The following NFKB1 variants were observed in gnomAD, a reference collection of about 807,000 sequenced individuals.
NFKB1 encodes nuclear factor kappa B subunit 1, also known as nuclear factor NF-kappa-B p105 subunit.
A neutral mutation model predicts 105.1 loss-of-function variants in NFKB1; 9 were observed. The observed-to-expected ratio is 0.09, with a 90% CI of 0.05 to 0.15. The LOEUF (loss-of-function observed/expected upper bound fraction) is 0.15, where lower values mean the gene tolerates loss of function less well. NFKB1 is among the 10% of genes least tolerant of loss of function. The probability of loss-of-function intolerance (pLI) is 1.00; values close to 1 mark genes in which losing one functional copy is unlikely to be tolerated. For missense variants in NFKB1, 830 were observed against 1,203.7 expected (o/e 0.69, Z 4.59); for synonymous variants, 440 against 442.2 (o/e 1.00, Z 0.06).
chr4:102,573,553 C>A (rs1308361609), intron 6 of NFKB1, among the ~76,000 whole-genome samples: 1 of 151,886 alleles, frequency 6.6e-6, no homozygotes, highest in African/African-American at 2.4e-5. Flanking sequence ...TGGGGTTCAT[C>A]GAGATCCTTA....
At chr4:102,572,967 TTTTTA>T (rs1212135266) in intron 6 of NFKB1, among the ~76,000 whole-genome samples, 1 of 152,250 alleles carries the variant, frequency 6.6e-6, no homozygotes, top group Non-Finnish European at 1.5e-5. Flanking sequence ...TTTTCATAGC[TTTTTA>T]TTTTATCTTT....
rs1189868051 is a variant in NFKB1, at chr4:102,557,126, GAGTGAAGGAACTTGCACGC to G, written c.259-9855_259-9837del. ...CCTCAGTGACAGTAAGGAGAAGAGA[GAGTGAAGGAACTTGCACGC>G]AGTGACTTCTACCTTCTCATTAAAG... On this transcript the variant is annotated intron_variant, in intron 5 of 23. Coordinates refer to ENST00000226574, the MANE Select transcript of NFKB1 (RefSeq NM_003998.4). The G allele has an allele frequency of 2.0e-5, 3 of 152,174 alleles. No individual in the cohort carries two copies. In the East Asian group the frequency reaches 5.8e-4, roughly 29 times the overall value. 9.4% of individuals were successfully genotyped at this position (152,174 alleles called of 1,614,324 possible). A position where few individuals can be genotyped will look rare whatever the true frequency, so the allele number is the denominator to read the frequency against.
chr4:102,556,731 T>A (rs1289686942), intron 5 of NFKB1, among the ~76,000 whole-genome samples: 1 of 152,170 alleles, frequency 6.6e-6, no homozygotes, highest in Non-Finnish European at 1.5e-5. Context: ...TAGGGAGAAA[T>A]AGAATGGCAT....
chr4:102,525,425 T>A, intron 1 of NFKB1, 87 bp from the exon 2 acceptor site: 1 of 1,305,360 alleles, frequency 7.7e-7, no homozygotes, highest in Non-Finnish European at 1.1e-6. Flanking sequence ...TATAATACAG[T>A]TTATTCCTGC....
At chr4:102,569,838 T>G (rs1322614363) in intron 6 of NFKB1, among the ~76,000 whole-genome samples, 1 of 152,192 alleles carries the variant, frequency 6.6e-6, no homozygotes, top group East Asian at 1.9e-4. Context: ...CTGGTTTGAT[T>G]GCTGTAATGT....
intron 14 of NFKB1, among the ~76,000 whole-genome samples, chr4:102,596,923 T>C (rs1726663359): frequency 6.6e-6 from 1 of 150,798 alleles, no homozygotes; most frequent in African/African-American, 2.4e-5. Flanking sequence ...TCACATATGC[T>C]TTTTTTTTAC....
chr4:102,533,571 G>T (rs1360546281), intron 3 of NFKB1, among the ~76,000 whole-genome samples: 1 of 152,140 alleles, frequency 6.6e-6, no homozygotes, highest in African/African-American at 2.4e-5. Flanking sequence ...CCGGCCATAT[G>T]CCTTTTATTG....
At chr4:102,520,635 A>C (rs992347093) in intron 1 of NFKB1, among the ~76,000 whole-genome samples, 2 of 152,200 alleles carry the variant, frequency 1.3e-5, no homozygotes, top group East Asian at 3.8e-4. Context: ...TAAATGTTGT[A>C]GTGCACCAAA....
At chr4:102,579,656 TA>T (rs1013536540) in intron 8 of NFKB1, among the ~76,000 whole-genome samples, 5 of 146,020 alleles carry the variant, frequency 3.4e-5, no homozygotes, top group African/African-American at 5.0e-5. Context: ...AATATATATA[TA>T]TATATATGTA....
intron 5 of NFKB1, among the ~76,000 whole-genome samples, chr4:102,560,577 CA>C (rs141919703): frequency 6.6e-6 from 1 of 152,062 alleles, no homozygotes; most frequent in Non-Finnish European, 1.5e-5. Context: ...AAAAGAAAAA[CA>C]AAAAAACATG....
intron 3 of NFKB1, among the ~76,000 whole-genome samples, 189 bp downstream of exon 3, chr4:102,530,103 C>G (rs377015934): frequency 6.6e-6 from 1 of 152,038 alleles, no homozygotes; most frequent in African/African-American, 2.4e-5. Flanking sequence ...TCTCAATTAC[C>G]CCTTGTATGG....
At chr4:102,593,166 A>C (rs1337006439) in intron 11 of NFKB1, 1 of 262,610 alleles carries the variant, frequency 3.8e-6, no homozygotes, top group Non-Finnish European at 7.1e-6. Context: ...AGTTTTAACA[A>C]CACTGGGGAC....
chr4:102,608,658 CTTTT>C (rs11336046), intron 19 of NFKB1, among the ~76,000 whole-genome samples: 2 of 147,142 alleles, frequency 1.4e-5, no homozygotes, highest in African/African-American at 2.5e-5. Flanking sequence ...ACTTTAGAGG[CTTTT>C]TTTTTTTTTA....
At chr4:102,522,322 A>C (rs2149109733) in intron 1 of NFKB1, among the ~76,000 whole-genome samples, 1 of 152,252 alleles carries the variant, frequency 6.6e-6, no homozygotes, top group East Asian at 1.9e-4. Context: ...CTGTTACCTC[A>C]GCTCTTTACA....
intron 5 of NFKB1, among the ~76,000 whole-genome samples, chr4:102,552,167 T>C (rs1560666099): frequency 6.6e-6 from 1 of 152,160 alleles, no homozygotes; most frequent in South Asian, 2.1e-4. Flanking sequence ...TGTAGAGAAA[T>C]AGAAACCAAC....
At chr4:102,538,424 T>C (rs1741779210) in intron 5 of NFKB1, among the ~76,000 whole-genome samples, 1 of 152,192 alleles carries the variant, frequency 6.6e-6, no homozygotes, top group African/African-American at 2.4e-5. Flanking sequence ...TAAACTTCAG[T>C]CTCTTAATGT....
chr4:102,609,917 T>TG (rs1402796418), intron 19 of NFKB1, among the ~76,000 whole-genome samples: 1 of 152,232 alleles, frequency 6.6e-6, no homozygotes, highest in East Asian at 1.9e-4. Flanking sequence ...TCTAAGCCTC[T>TG]GAGAAGTAAC....
At chr4:102,503,978 G>A (rs1560623697) in intron 1 of NFKB1, among the ~76,000 whole-genome samples, 1 of 152,190 alleles carries the variant, frequency 6.6e-6, no homozygotes, top group Non-Finnish European at 1.5e-5. Context: ...GCAGCTACAT[G>A]AATGTTGGAC....
At chr4:102,583,299 C>A (rs35750259) in intron 10 of NFKB1, among the ~76,000 whole-genome samples, 9 of 152,214 alleles carry the variant, frequency 5.9e-5, no homozygotes, top group African/African-American at 2.2e-4. Context: ...TTTATACTTT[C>A]TGCCTTATTG....
Sources: allele counts gnomAD v4.1 joint callset (sites outside exome capture counted in the v4.1 genomes callset), GRCh38; gene constraint gnomAD v4.1.1; transcripts MANE v1.5; gene names NCBI Gene and HGNC (gene_info 2026-07-23, HGNC 2026-07-21).